AVEN: variants seen among roughly 807,000 people sequenced by gnomAD.
The protein encoded by AVEN is apoptosis and caspase activation inhibitor, also known as cell death regulator Aven.
In AVEN, 41 loss-of-function variants were observed where a neutral mutation model predicts 38.1. That is an observed-to-expected ratio of 1.08 (90% CI 0.84 to 1.40). The LOEUF is 1.40. Among genes scored for constraint, AVEN ranks in the 40% most tolerant of loss-of-function variants. The pLI, the probability that AVEN is intolerant of heterozygous loss-of-function variation, is 0.00. For synonymous variants in AVEN, 206 were observed against 171.8 expected (o/e 1.20, Z -1.56); for missense variants, 605 against 438.8 (o/e 1.38, Z -3.38).
chr15:34,039,970 AG>A (rs1305399917), upstream of AVEN, among the ~76,000 whole-genome samples: 1 of 152,246 alleles, frequency 6.6e-6, no homozygotes, highest in Non-Finnish European at 1.5e-5. Context: ...GCATGAAAGC[AG>A]TTTTTAACTT....
intron 2 of AVEN, among the ~76,000 whole-genome samples, chr15:33,924,763 T>C (rs1480136579): frequency 6.6e-6 from 1 of 152,228 alleles, no homozygotes; most frequent in Non-Finnish European, 1.5e-5. Flanking sequence ...GAGTACCTTC[T>C]TGCTTCAACT....
intron 2 of AVEN, among the ~76,000 whole-genome samples, chr15:34,067,858 T>C (rs768239156): frequency 1.3e-5 from 2 of 152,192 alleles, no homozygotes; most frequent in Non-Finnish European, 1.5e-5. Flanking sequence ...AATTTCCATC[T>C]TCCCCACATC....
At chr15:33,867,455 C>A (rs1388084138) in intron 5 of AVEN, 40 bp downstream of exon 5, 2 of 1,535,496 alleles carry the variant, frequency 1.3e-6, no homozygotes, top group Non-Finnish European at 1.7e-6. Context: ...TGAAAAAACA[C>A]CAGAATCAAG....
intron 11 of AVEN, chr15:33,860,742 A>C: frequency 9.5e-7 from 1 of 1,053,622 alleles, no homozygotes; most frequent in Non-Finnish European, 1.4e-6. Flanking sequence ...AGGTTTTACT[A>C]TTACTTAGGG....
chr15:33,939,769 C>T (rs935929035), intron 2 of AVEN, among the ~76,000 whole-genome samples: 1 of 152,126 alleles, frequency 6.6e-6, no homozygotes, highest in African/African-American at 2.4e-5. Flanking sequence ...TGAAACACTA[C>T]CCCCTAATGT....
chr15:34,012,193 C>A (rs1263918434), intron 1 of AVEN, among the ~76,000 whole-genome samples: 5 of 152,258 alleles, frequency 3.3e-5, no homozygotes, highest in African/African-American at 4.8e-5. Flanking sequence ...ATTAAATGGT[C>A]CTATATAAAG....
intron 2 of AVEN, among the ~76,000 whole-genome samples, chr15:33,999,860 T>A (rs539180053): frequency 6.6e-6 from 1 of 152,226 alleles, no homozygotes; most frequent in African/African-American, 2.4e-5. Flanking sequence ...AGGAGTGTTA[T>A]ATCACTCTTC....
chr15:33,946,555 C>G (rs1894514993), intron 2 of AVEN, among the ~76,000 whole-genome samples: 1 of 152,092 alleles, frequency 6.6e-6, no homozygotes, highest in African/African-American at 2.4e-5. Context: ...TATTGGGGAA[C>G]CACAAGCAGG....
chr15:33,877,731 A>C (rs7173552), intron 2 of AVEN, among the ~76,000 whole-genome samples: 19,785 of 152,054 alleles, frequency 0.13, 1,986 homozygotes, highest in African/African-American at 0.28. Context: ...CAGGCGGATC[A>C]TGAGGTCAGG....
downstream of AVEN, chr15:33,865,248 C>G: frequency 6.6e-7 from 1 of 1,523,950 alleles, no homozygotes; most frequent in Non-Finnish European, 9.0e-7. Flanking sequence ...AGAAGCGCGA[C>G]AATTCTGGAC....
At chr15:33,939,684 C>T (rs904568878) in intron 2 of AVEN, among the ~76,000 whole-genome samples, 2 of 152,150 alleles carry the variant, frequency 1.3e-5, no homozygotes, top group Non-Finnish European at 2.9e-5. Flanking sequence ...GATTGCTAAA[C>T]GTTGCTACAG....
At chr15:33,929,041 A>C (rs1355544494) in intron 2 of AVEN, among the ~76,000 whole-genome samples, 1 of 152,152 alleles carries the variant, frequency 6.6e-6, no homozygotes, top group Non-Finnish European at 1.5e-5. Flanking sequence ...GAACAGAATA[A>C]AAATTCTTAC....
At chr15:33,909,190 A>C (rs1471049195) in intron 2 of AVEN, among the ~76,000 whole-genome samples, 1 of 152,186 alleles carries the variant, frequency 6.6e-6, no homozygotes, top group Admixed American at 6.5e-5. Flanking sequence ...TTTTCCCTTA[A>C]GCCCTGTTAT....
At chr15:33,956,407 G>C (rs79028650) in intron 2 of AVEN, among the ~76,000 whole-genome samples, 1,938 of 152,304 alleles carry the variant, frequency 0.013, 45 homozygotes, top group African/African-American at 0.044. Flanking sequence ...ATGTATTTCA[G>C]TGTAATTAAT....
chr15:33,852,341 C>T, the AVEN span: 1 of 152,058 alleles, frequency 6.6e-6, no homozygotes, highest in Admixed American at 6.6e-5. Flanking sequence ...TCTTTCTTAA[C>T]TTTAACAGTA....
chr15:33,983,656 C>A (rs1177316343), intron 2 of AVEN, among the ~76,000 whole-genome samples: 1 of 152,104 alleles, frequency 6.6e-6, no homozygotes, highest in Non-Finnish European at 1.5e-5. Flanking sequence ...ATTCCTCCTT[C>A]CATGGATGAA....
Position 33,920,736 on chromosome 15 carries a change from CACTT to C in AVEN, c.446-44745_446-44742del, listed in dbSNP as rs1432184174. 2.6e-5 allele frequency among the ~76,000 whole-genome samples: 4 copies of C among 152,256 alleles called. No homozygotes were observed. The East Asian group carries it at 7.7e-4, about 29-fold the overall frequency. ...GGCACAGTGGCAAGTACATAAAAGA[CACTT>C]ACATGTTTGATGATTACTTTTCCAA... is the stretch of plus-strand genomic sequence containing the variant. On this transcript the variant is annotated intron_variant, in intron 2 of 5. Coordinates refer to ENST00000306730, the MANE Select transcript of AVEN (RefSeq NM_020371.3).
At chr15:33,937,734 T>C (rs939330622) in intron 2 of AVEN, among the ~76,000 whole-genome samples, 2 of 152,074 alleles carry the variant, frequency 1.3e-5, no homozygotes, top group African/African-American at 4.8e-5. Context: ...TTCCTCACTA[T>C]TTCTGCCCTG....
intron 2 of AVEN, among the ~76,000 whole-genome samples, chr15:33,904,674 T>A (rs1892613832): frequency 1.0e-5 from 1 of 96,378 alleles, no homozygotes; most frequent in South Asian, 3.9e-4. Flanking sequence ...TGGCCGAGAC[T>A]GTTTCTTTAA....
Sources: allele counts gnomAD v4.1 joint callset (sites outside exome capture counted in the v4.1 genomes callset), GRCh38; gene constraint gnomAD v4.1.1; transcripts MANE v1.5; gene names NCBI Gene and HGNC (gene_info 2026-07-23, HGNC 2026-07-21).